RUNDC3B: variants seen among roughly 807,000 people sequenced by gnomAD.
RUNDC3B encodes the protein RUN domain containing 3B, also known as RUN domain-containing protein 3B.
Under a neutral mutation model 58.4 loss-of-function variants are expected in RUNDC3B, and 33 were observed. That is an observed-to-expected ratio of 0.56 (90% CI 0.43 to 0.75). The LOEUF is 0.75. Ranked by LOEUF, RUNDC3B falls within the 30% of genes least tolerant of loss-of-function variation. The pLI is 0.00. For missense variants in RUNDC3B, 501 were observed against 535.7 expected, an observed-to-expected ratio of 0.94 and a Z score of 0.64; for synonymous variants, 193 against 195.2, an observed-to-expected ratio of 0.99 and a Z score of 0.10.
intron 4 of RUNDC3B, among the ~76,000 whole-genome samples, chr7:87,730,018 C>A (rs571723811): frequency 6.6e-6 from 1 of 152,210 alleles, no homozygotes; most frequent in Admixed American, 6.5e-5. Flanking sequence ...AGATCCAGTC[C>A]CAGCAAGATT....
At chr7:87,822,412 A>T (rs973123902) in intron 10 of RUNDC3B, among the ~76,000 whole-genome samples, 1 of 152,222 alleles carries the variant, frequency 6.6e-6, no homozygotes, top group African/African-American at 2.4e-5. Context: ...GGATGTGGAA[A>T]AATAGGAACA....
chr7:87,799,927 T>C (rs1338457033), intron 8 of RUNDC3B, among the ~76,000 whole-genome samples: 1 of 151,014 alleles, frequency 6.6e-6, no homozygotes, highest in Non-Finnish European at 1.5e-5. Flanking sequence ...AATCAGACAG[T>C]AAGTGGTAAG....
intron 8 of RUNDC3B, among the ~76,000 whole-genome samples, chr7:87,788,152 G>A (rs563020558): frequency 3.9e-5 from 6 of 152,336 alleles, no homozygotes; most frequent in African/African-American, 1.4e-4. Context: ...GCCAAGCACA[G>A]TGGCTCATGC....
Position 87,651,947 on chromosome 7 carries a change from G to GT in RUNDC3B, c.238+1018dup, listed in dbSNP as rs200326030. On this transcript the variant is annotated intron_variant, in intron 2 of 10. Coordinates refer to ENST00000394654, the MANE Select transcript of RUNDC3B (RefSeq NM_001134405.2). ...TTTGGTTGTTTTGCATTTTAAAAGG[G>GT]TTTTTTTTGTCCTTTTTGCTGTTCT... Among the ~76,000 whole-genome samples the GT allele has an allele frequency of 9.9e-4, 150 of 151,426 alleles. 1 individual carries two copies. The highest frequency in any genetic ancestry group is 1.3e-3 in the Non-Finnish European group (91 of 67,762).
intron 8 of RUNDC3B, among the ~76,000 whole-genome samples, chr7:87,794,704 A>C (rs551295790): frequency 1.3e-5 from 2 of 152,070 alleles, no homozygotes; most frequent in Non-Finnish European, 2.9e-5. Context: ...CAAAAAGAAC[A>C]CTGAAAGAAT....
intron 6 of RUNDC3B, among the ~76,000 whole-genome samples, chr7:87,762,153 CTTGT>C (rs996712423): frequency 2.1e-4 from 32 of 151,362 alleles, no homozygotes; most frequent in Middle Eastern, 3.2e-3. Context: ...TAATTGGTTT[CTTGT>C]TTGTTTTTAA....
At chr7:87,734,622 C>G (rs908606017) in intron 4 of RUNDC3B, among the ~76,000 whole-genome samples, 9 of 152,184 alleles carry the variant, frequency 5.9e-5, no homozygotes, top group African/African-American at 2.2e-4. Context: ...CACCAGACTT[C>G]TCCAAAGCAC....
At chr7:87,630,153 A>C (rs565031345) in intron 1 of RUNDC3B, among the ~76,000 whole-genome samples, 2 of 152,300 alleles carry the variant, frequency 1.3e-5, no homozygotes, top group African/African-American at 4.8e-5. Flanking sequence ...TCAGATGATG[A>C]TGAAACTTTT....
At chr7:87,781,218 T>C (rs1377349118) in intron 8 of RUNDC3B, among the ~76,000 whole-genome samples, 3 of 152,114 alleles carry the variant, frequency 2.0e-5, no homozygotes, top group Non-Finnish European at 4.4e-5. Context: ...TGTTTAGATG[T>C]ATTCTCAGGT....
intron 8 of RUNDC3B, among the ~76,000 whole-genome samples, chr7:87,784,705 TAGGGGAGATGTGGTG>T (rs1191209501): frequency 6.5e-5 from 7 of 107,768 alleles, no homozygotes; most frequent in Non-Finnish European, 1.3e-4. Context: ...GATGTGGTGG[TAGGGGAGATGTGGTG>T]AGGGGAGATG....
chr7:87,764,671 C>T (rs913125626), intron 6 of RUNDC3B, among the ~76,000 whole-genome samples: 1 of 151,894 alleles, frequency 6.6e-6, no homozygotes, highest in African/African-American at 2.4e-5. Flanking sequence ...AGCTATCTCA[C>T]TTAGGATAAT....
intron 6 of RUNDC3B, among the ~76,000 whole-genome samples, chr7:87,766,099 T>C (rs910146847): frequency 2.0e-5 from 3 of 152,168 alleles, no homozygotes; most frequent in African/African-American, 7.2e-5. Context: ...TTGTATGATA[T>C]AAGAATAGCT....
intron 4 of RUNDC3B, among the ~76,000 whole-genome samples, chr7:87,737,601 T>G (rs1185667517): frequency 6.6e-6 from 1 of 152,118 alleles, no homozygotes; most frequent in Non-Finnish European, 1.5e-5. Flanking sequence ...AAATATATTA[T>G]CTTAAGCTCA....
chr7:87,775,163 T>C (rs1041512245), intron 7 of RUNDC3B, among the ~76,000 whole-genome samples: 2 of 152,176 alleles, frequency 1.3e-5, no homozygotes, highest in Non-Finnish European at 2.9e-5. Flanking sequence ...GACAGCTCCA[T>C]GTGTTAATGC....
intron 8 of RUNDC3B, among the ~76,000 whole-genome samples, chr7:87,779,067 G>A (rs1834800228): frequency 6.6e-6 from 1 of 151,894 alleles, no homozygotes; most frequent in African/African-American, 2.4e-5. Context: ...ATACATTATG[G>A]TCCTTCATTT....
intron 10 of RUNDC3B, among the ~76,000 whole-genome samples, chr7:87,820,888 T>A (rs901290906): frequency 6.6e-6 from 1 of 152,058 alleles, no homozygotes. Context: ...GGGACATATC[T>A]CAAAATAATA....
chr7:87,788,945 A>C (rs563083654), intron 8 of RUNDC3B, among the ~76,000 whole-genome samples: 1 of 152,316 alleles, frequency 6.6e-6, no homozygotes, highest in Non-Finnish European at 1.5e-5. Flanking sequence ...ATCGACAATA[A>C]TAAGGCATGT....
chr7:87,774,143 A>T (rs997799182), intron 7 of RUNDC3B, among the ~76,000 whole-genome samples: 3 of 152,180 alleles, frequency 2.0e-5, no homozygotes, highest in Non-Finnish European at 2.9e-5. Context: ...CCCACATGCC[A>T]CTCATGAAAT....
rs1019442377 is a variant in RUNDC3B at position 87,740,336 on chromosome 7, TA to T, written c.548+467del. Among the ~76,000 whole-genome samples, 871 of 148,560 alleles carry T rather than the reference TA, an allele frequency of 5.9e-3. 9 individuals are homozygous for T. Among genetic ancestry groups the T allele is most frequent in the African/African-American group, 0.019 (764 of 40,760 alleles). On this transcript the variant is annotated intron_variant, in intron 5 of 10. Coordinates refer to ENST00000394654, the MANE Select transcript of RUNDC3B (RefSeq NM_001134405.2). The stretch of plus-strand genomic sequence containing the variant: ...CTCTTATGTTATGTATGGAGAATAT[TA>T]AAAAAAAAAATTGTTAAAATTTACT...
Sources: gnomAD v4.1 joint callset for allele counts (sites outside exome capture counted in the v4.1 genomes callset) on GRCh38, gnomAD v4.1.1 for gene constraint, MANE v1.5 for transcripts, NCBI Gene and HGNC (gene_info 2026-07-23, HGNC 2026-07-21) for gene names.